Variants in CREM observed in about 807,000 individuals in gnomAD.
The protein encoded by CREM is cAMP-responsive element modulator.
Under a neutral mutation model 37.3 loss-of-function variants are expected in CREM, and 13 were observed. The observed-to-expected ratio is 0.35, with a 90% confidence interval of 0.23 to 0.55. The LOEUF (loss-of-function observed/expected upper bound fraction) is 0.55, where lower values mean the gene tolerates loss of function less well. CREM is among the 20% of genes least tolerant of loss of function. The pLI is 0.88. For synonymous variants in CREM, 124 were observed against 120.2 expected (o/e 1.03, Z -0.21); for missense variants, 296 against 362.3 (o/e 0.82, Z 1.49).
chr10:35,139,999 G>A (rs2091207342), intron 2 of CREM, among the ~76,000 whole-genome samples: 1 of 152,146 alleles, frequency 6.6e-6, no homozygotes, highest in Non-Finnish European at 1.5e-5. Context: ...TCCTGTATAG[G>A]AGTTGGGTTT....
chr10:35,181,042 G>A (rs2094330468), intron 5 of CREM, among the ~76,000 whole-genome samples: 1 of 152,236 alleles, frequency 6.6e-6, no homozygotes. Context: ...ATATGCTAAT[G>A]CTACTTAGGA....
At chr10:35,179,944 G>A (rs868779366) in intron 5 of CREM, 1 of 152,258 alleles carries the variant, frequency 6.6e-6, no homozygotes, top group African/African-American at 2.4e-5. Context: ...TACGTAAAAA[G>A]CAAGAGCTAG....
chr10:35,151,369 TG>T (rs2092588334), intron 3 of CREM, among the ~76,000 whole-genome samples: 1 of 152,230 alleles, frequency 6.6e-6, no homozygotes, highest in African/African-American at 2.4e-5. Context: ...TGTTTCGTTT[TG>T]TTTTTTTGAG....
chr10:35,204,584 A>T (rs2134434545), intron 6 of CREM, among the ~76,000 whole-genome samples: 1 of 146,814 alleles, frequency 6.8e-6, no homozygotes, highest in Admixed American at 6.9e-5. Context: ...TGGTGTCAGC[A>T]AAACTACGTC....
At position 35,211,651 on chromosome 10, in the gene CREM, T is replaced by C. The variant is rs1397111311; in HGVS notation, c.*253T>C. The C allele has an allele frequency of 6.2e-7, 1 of 1,608,106 alleles. No individual in the cohort carries two copies. ...TGTTTGCCCTTTGCTTCTGCTTTTTTTCAGGGAAGCTGCCAAAGAATGTCG... is the reference window on the plus strand; with the variant it reads ...TGTTTGCCCTTTGCTTCTGCTTTTTCTCAGGGAAGCTGCCAAAGAATGTCG... On this transcript the variant is annotated 3_prime_UTR_variant, in exon 8 of 8. Coordinates refer to ENST00000685392, the MANE Select transcript of CREM (RefSeq NM_183011.2).
At position 35,188,302 on chromosome 10, in the gene CREM, C is replaced by G; in HGVS notation, c.512C>G (p.Pro171Arg). ...ATGACAAATTCAGGAGCTCCTCCAC[C>G]AGGTGCTACAATTGTACAGTACGCA... ...LTMTNSGAPP[P>R]GATIVQYAAQ... is the part of the protein sequence containing the mutation. The change falls in exon 6 of 8, where the codon CCA becomes CGA. Residue 171 changes from proline (P) to arginine (R), a missense_variant. By Grantham distance (103) the Pro-to-Arg change is moderately radical. This residue lies in a region of CREM where 257 missense variants were observed against 280.2 expected (regional missense o/e 0.92). Coordinates refer to ENST00000685392, the MANE Select transcript of CREM (RefSeq NM_183011.2). The G allele has an allele frequency of 1.2e-6, 2 of 1,614,148 alleles. No individual in the cohort carries two copies. Among genetic ancestry groups the G allele is most frequent in the Non-Finnish European group, 1.7e-6 (2 of 1,179,990 alleles).
At chr10:35,140,708 G>A (rs1014190248) in intron 2 of CREM, among the ~76,000 whole-genome samples, 1 of 152,170 alleles carries the variant, frequency 6.6e-6, no homozygotes, top group Non-Finnish European at 1.5e-5. Flanking sequence ...TCTGCCCATG[G>A]CTATTAGAAT....
chr10:35,187,065 TTAATA>T (rs1384847789), intron 5 of CREM, among the ~76,000 whole-genome samples: 2 of 69,448 alleles, frequency 2.9e-5, no homozygotes, highest in Non-Finnish European at 5.0e-5. Flanking sequence ...ATATATATAA[TTAATA>T]TAATAATATA....
chr10:35,200,817 C>A lies in CREM; in HGVS notation c.599-6078C>A, dbSNP rs1457435862. Among the ~76,000 whole-genome samples, 4 of 152,156 alleles carry A rather than the reference C, an allele frequency of 2.6e-5. No individual in the cohort carries two copies. The East Asian group carries it at 7.7e-4, about 29-fold the overall frequency. On this transcript the variant is annotated intron_variant, in intron 6 of 7. Coordinates refer to ENST00000685392, the MANE Select transcript of CREM (RefSeq NM_183011.2). ...AATGGCATATGAAAACAGGAACTCT[C>A]TATATAAAAATGTTTTTTATTCAGT...
intron 3 of CREM, among the ~76,000 whole-genome samples, chr10:35,149,573 G>A (rs1001556117): frequency 2.0e-5 from 3 of 152,080 alleles, no homozygotes; most frequent in African/African-American, 7.2e-5. Flanking sequence ...GGTGCCTGGT[G>A]GAGTCAAAGT....
At chr10:35,201,429 A>T (rs1283497962) in intron 6 of CREM, 1 of 1,550,994 alleles carries the variant, frequency 6.4e-7, no homozygotes, top group East Asian at 2.4e-5. Context: ...ATTAAATGAG[A>T]TACTGTATCC....
intron 3 of CREM, among the ~76,000 whole-genome samples, chr10:35,148,956 C>G (rs2092375650): frequency 6.6e-6 from 1 of 152,162 alleles, no homozygotes; most frequent in South Asian, 2.1e-4. Flanking sequence ...AAATTTATTT[C>G]TGAGATATCT....
chr10:35,167,918 G>A (rs1024111129), intron 3 of CREM: 356 of 889,402 alleles, frequency 4.0e-4, no homozygotes, highest in Non-Finnish European at 5.6e-4. Context: ...TTGTTCTTGC[G>A]ATAGTTTACT....
intron 3 of CREM, chr10:35,175,997 C>T (rs1313070467): frequency 6.5e-7 from 1 of 1,549,914 alleles, no homozygotes; most frequent in East Asian, 2.4e-5. Context: ...ACACACCGTT[C>T]AGGTTAGCTT....
chr10:35,182,382 A>AT (rs34320503), intron 5 of CREM, among the ~76,000 whole-genome samples: 44,373 of 151,398 alleles, frequency 0.29, 7,035 homozygotes, highest in South Asian at 0.35. Flanking sequence ...TGAGCTGTAA[A>AT]TTTTTTTTAA....
intron 5 of CREM, among the ~76,000 whole-genome samples, chr10:35,185,063 ATTCT>A (rs1335486610): frequency 8.6e-5 from 12 of 138,768 alleles, no homozygotes; most frequent in African/African-American, 3.1e-4. Flanking sequence ...TCATTCATTC[ATTCT>A]ATTTTTTGAG....
At chr10:35,143,808 G>T (rs2091753080) in intron 2 of CREM, among the ~76,000 whole-genome samples, 1 of 152,132 alleles carries the variant, frequency 6.6e-6, no homozygotes, top group Non-Finnish European at 1.5e-5. Context: ...AAAGCAGATG[G>T]CCAGTCAACA....
chr10:35,129,892 C>T (rs755421031), intron 1 of CREM, among the ~76,000 whole-genome samples: 12 of 152,100 alleles, frequency 7.9e-5, no homozygotes, highest in Non-Finnish European at 1.6e-4. Context: ...ATTATCAACA[C>T]AGGAACTTAA....
chr10:35,187,186 A>AT (rs1487551371), intron 5 of CREM, among the ~76,000 whole-genome samples: 7 of 64,540 alleles, frequency 1.1e-4, no homozygotes, highest in Admixed American at 2.8e-4. Flanking sequence ...TTAATATATA[A>AT]ATATATTAAT....
Sources: gnomAD v4.1 joint callset for allele counts (sites outside exome capture counted in the v4.1 genomes callset) on GRCh38, gnomAD v4.1.1 for gene constraint, gnomAD v4.1.1 regional missense constraint, MANE v1.5 for transcripts, NCBI Gene and HGNC (gene_info 2026-07-23, HGNC 2026-07-21) for gene names.